Variants in ZDHHC2 observed in about 807,000 individuals in gnomAD.
The protein encoded by ZDHHC2 is zDHHC palmitoyltransferase 2.
A neutral mutation model predicts 55.6 loss-of-function variants in ZDHHC2; 51 were observed. The observed-to-expected ratio is 0.92, with a 90% confidence interval of 0.73 to 1.16. The LOEUF (loss-of-function observed/expected upper bound fraction) is 1.16, where lower values mean the gene tolerates loss of function less well. ZDHHC2 is among the 50% of genes most tolerant of loss of function. The pLI, the probability that ZDHHC2 is intolerant of heterozygous loss-of-function variation, is 0.00. For synonymous variants in ZDHHC2, 199 were observed against 152.9 expected, an observed-to-expected ratio of 1.30 and a Z score of -2.22; for missense variants, 491 against 442.4, an observed-to-expected ratio of 1.11 and a Z score of -0.99.
Position 17,156,520 on chromosome 8 carries a change from C to T in ZDHHC2, c.-204C>T, listed in dbSNP as rs1418086480. 2.0e-5 allele frequency: 4 copies of T among 204,104 alleles called. No homozygotes were observed. In the South Asian group the frequency reaches 6.2e-4, roughly 32 times the overall value. The allele number at this position is 204,104 out of a possible 1,614,324, so 12.6% of individuals were successfully genotyped here. The stretch of plus-strand genomic sequence containing the variant: ...CCGCTCGCAGCCGCCGCCTCCGCCT[C>T]CGCCGGGCTGAGGAGCCGGGAGTCC... On this transcript the variant is annotated 5_prime_UTR_variant, in exon 1 of 13. Transcript: ENST00000262096.
At chr8:17,195,672 T>A (rs776306655) in intron 4 of ZDHHC2, 48 bp downstream of exon 4, 12 of 1,607,418 alleles carry the variant, frequency 7.5e-6, no homozygotes, top group Non-Finnish European at 8.5e-6. Context: ...AATAACATCA[T>A]TAAGGTGACT....
intron 1 of ZDHHC2, among the ~76,000 whole-genome samples, chr8:17,175,254 G>A (rs150264836): frequency 1.4e-3 from 217 of 152,260 alleles, no homozygotes; most frequent in Non-Finnish European, 1.9e-3. Context: ...TGTGGGTGGG[G>A]TTGACAGGAA....
In ZDHHC2 at chr8:17,210,005, G is replaced by C. The variant is rs1170234366; in HGVS notation, c.804G>C (p.Met268Ile). 1 of 1,610,336 alleles carries C rather than the reference G, an allele frequency of 6.2e-7. No individual in the cohort carries two copies. The highest frequency in any genetic ancestry group is 8.5e-7 in the Non-Finnish European group (1 of 1,178,128). Residue 268 changes from methionine (M) to isoleucine (I), a missense_variant, in exon 9 of 13, where the codon ATG (methionine) becomes ATC (isoleucine). Transcript: ENST00000262096. The stretch of plus-strand genomic sequence containing the variant: ...TCAGCTTGGGTTTCAGTAAAAACAT[G>C]CGACAAGTTTTTGGTGATGAGAAGA... ...NGFSLGFSKN[M>I]RQVFGDEKKY...
chr8:17,169,776 C>A (rs1206397118), intron 1 of ZDHHC2, among the ~76,000 whole-genome samples: 1 of 152,044 alleles, frequency 6.6e-6, no homozygotes, highest in African/African-American at 2.4e-5. Context: ...AGGCGGGAAA[C>A]CTGAGATGCA....
At chr8:17,185,725 G>A (rs188164768) in intron 2 of ZDHHC2, among the ~76,000 whole-genome samples, 6 of 152,208 alleles carry the variant, frequency 3.9e-5, no homozygotes, top group African/African-American at 1.4e-4. Context: ...ACACCACCCA[G>A]AGTGTGTTTA....
Position 17,195,584 on chromosome 8 carries a change from A to C in ZDHHC2, c.333A>C (p.Ala111=). Residue 111 remains alanine, a synonymous_variant, in exon 4 of 13, where the codon GCA becomes GCC. Transcript: ENST00000262096. ...GEAHQEVLRR[A]AKDLPIYTRT... is the part of the protein sequence containing the mutation. ...CCCATCAGGAAGTTCTTAGGCGAGC[A>C]GCCAAGGATCTTCCCATCTATACCA... 1 of 1,613,950 alleles carries C rather than the reference A, an allele frequency of 6.2e-7. No individual in the cohort carries two copies. The highest frequency in any genetic ancestry group is 8.5e-7 in the Non-Finnish European group (1 of 1,179,842).
At chr8:17,187,898 C>T (rs190489011) in intron 3 of ZDHHC2, among the ~76,000 whole-genome samples, 49 of 152,264 alleles carry the variant, frequency 3.2e-4, no homozygotes, top group Admixed American at 2.4e-3. Context: ...CAAAAACAGA[C>T]GTCATCACCT....
rs898865458 is a variant in ZDHHC2 at position 17,221,937 on chromosome 8, A to G, written c.*1716A>G. On this transcript the variant is annotated 3_prime_UTR_variant, in exon 13 of 13. Transcript: ENST00000262096. ...ACTGCTAGAAGTCTTAAAAAAACCA[A>G]CAGCAGCACAGGATGTATTAAGAAT... 3 of 150,270 alleles carry G rather than the reference A, an allele frequency of 2.0e-5. No individual in the cohort carries two copies. The highest frequency in any genetic ancestry group is 7.5e-5 in the African/African-American group (3 of 40,128). 9.3% of individuals were successfully genotyped at this position (150,270 alleles called of 1,614,324 possible).
chr8:17,165,815 C>A (rs528965822), intron 1 of ZDHHC2, among the ~76,000 whole-genome samples: 188 of 152,288 alleles, frequency 1.2e-3, no homozygotes, highest in Non-Finnish European at 1.9e-3. Flanking sequence ...AGGAGAAGAA[C>A]TCATGAAATT....
At chr8:17,195,859 G>A (rs1365063812) in intron 4 of ZDHHC2, among the ~76,000 whole-genome samples, 3 of 152,142 alleles carry the variant, frequency 2.0e-5, no homozygotes, top group African/African-American at 7.2e-5. Context: ...ATCCTGTTCT[G>A]CCTACTTAGT....
At position 17,221,668 on chromosome 8, in the gene ZDHHC2, T is replaced by C. The variant is rs548756756; in HGVS notation, c.*1447T>C. 3.9e-5 allele frequency: 6 copies of C among 152,562 alleles called. No individual in the cohort carries two copies. Among genetic ancestry groups the C allele is most frequent in the Admixed American group, 3.9e-4 (6 of 15,276 alleles). The allele number at this position is 152,562 out of a possible 1,614,324, so 9.5% of individuals were successfully genotyped here. A position where few individuals can be genotyped will look rare whatever the true frequency, so the allele number is the denominator to read the frequency against. Reference sequence around the variant, plus strand: ...TTACTTATCCTTCCTAAAAATATAGTTTTATATTAATTGTGCTTATGGAAG... The same window carrying C: ...TTACTTATCCTTCCTAAAAATATAGCTTTATATTAATTGTGCTTATGGAAG... On this transcript the variant is annotated 3_prime_UTR_variant, in exon 13 of 13. Coordinates refer to ENST00000262096, the MANE Select transcript of ZDHHC2 (RefSeq NM_016353.5).
intron 1 of ZDHHC2, among the ~76,000 whole-genome samples, chr8:17,167,510 G>C (rs1804661862): frequency 1.3e-5 from 2 of 151,878 alleles, no homozygotes; most frequent in Admixed American, 1.3e-4. Context: ...TCCGCATGTT[G>C]GCCAGGCTGG....
At chr8:17,161,902 CAATATGATTCAA>C (rs1252236870) in intron 1 of ZDHHC2, among the ~76,000 whole-genome samples, 2 of 152,058 alleles carry the variant, frequency 1.3e-5, no homozygotes, top group African/African-American at 4.8e-5. Context: ...TAGTTGTTGG[CAATATGATTCAA>C]AATATATTCT....
chr8:17,156,652 G>GGCCCGCCCA lies in ZDHHC2; in HGVS notation c.-63_-55dup, dbSNP rs1240255515. ...GGAGCCCGTCCAGCCAGGGGTGCCG[G>GGCCCGCCCA]GCCCGCCCAGCCCGCCCCGGAGCCA... On this transcript the variant is annotated 5_prime_UTR_variant, in exon 1 of 13. Transcript: ENST00000262096. The GGCCCGCCCA allele has an allele frequency of 1.7e-6, 2 of 1,143,050 alleles. No individual in the cohort carries two copies. Among genetic ancestry groups the GGCCCGCCCA allele is most frequent in the Middle Eastern group, 3.7e-4 (1 of 2,704 alleles). The allele number at this position is 1,143,050 out of a possible 1,614,324, so 70.8% of individuals were successfully genotyped here.
rs1261327604 is a variant in ZDHHC2 at position 17,156,805 on chromosome 8, C to T, written c.82C>T (p.Leu28Phe). 31 of 1,522,708 alleles carry T rather than the reference C, an allele frequency of 2.0e-5. No individual in the cohort carries two copies. Among genetic ancestry groups the T allele is most frequent in the African/African-American group, 2.8e-5 (2 of 70,378 alleles). The allele number at this position is 1,522,708 out of a possible 1,614,324, so 94.3% of individuals were successfully genotyped here. The part of the protein sequence containing the change: ...LYWIPVVFIT[L>F]LLGWSYYAYA... Reference sequence around the variant, plus strand: ...CTGGATCCCGGTGGTGTTCATCACCCTCCTGCTCGGCTGGTCCTACTACGC... The same window carrying T: ...CTGGATCCCGGTGGTGTTCATCACCTTCCTGCTCGGCTGGTCCTACTACGC... The change falls in exon 1 of 13, where the codon CTC (leucine) becomes TTC (phenylalanine). Residue 28 changes from leucine to phenylalanine, a missense_variant. Physicochemically the swap from Leu to Phe is conservative, Grantham distance 22. Transcript: ENST00000262096.
intron 1 of ZDHHC2, among the ~76,000 whole-genome samples, chr8:17,167,304 CTTTTTTTTT>C (rs371848954): frequency 1.8e-5 from 2 of 108,750 alleles, no homozygotes; most frequent in Middle Eastern, 4.6e-3. Context: ...TTTTTTTTAA[CTTTTTTTTT>C]TTTTTTTTTT....
At chr8:17,193,662 T>C (rs1563156811) in intron 3 of ZDHHC2, among the ~76,000 whole-genome samples, 1 of 152,258 alleles carries the variant, frequency 6.6e-6, no homozygotes, top group East Asian at 1.9e-4. Flanking sequence ...GGTTCAGAGA[T>C]GCCATCACAG....
intron 10 of ZDHHC2, among the ~76,000 whole-genome samples, chr8:17,211,540 A>T (rs1412360302): frequency 6.6e-6 from 1 of 152,072 alleles, no homozygotes; most frequent in Non-Finnish European, 1.5e-5. Flanking sequence ...CCCAGGCTGG[A>T]GTGCAGTGGA....
chr8:17,219,248 A>C (rs1340023042), intron 12 of ZDHHC2, among the ~76,000 whole-genome samples: 1 of 105,970 alleles, frequency 9.4e-6, no homozygotes, highest in Admixed American at 1.1e-4. Flanking sequence ...ACAGAGCAAG[A>C]CTCTAAAAAA....
Sources: gnomAD v4.1 joint callset for allele counts (sites outside exome capture counted in the v4.1 genomes callset) on GRCh38, gnomAD v4.1.1 for gene constraint, MANE v1.5 for transcripts, NCBI Gene and HGNC (gene_info 2026-07-23, HGNC 2026-07-21) for gene names.